CMSS1: variants seen among roughly 807,000 people sequenced by gnomAD.
CMSS1 encodes the protein protein CMSS1.
A neutral mutation model predicts 43.5 loss-of-function variants in CMSS1; 33 were observed. That is an observed-to-expected ratio of 0.76 (90% confidence interval 0.57 to 1.01). The LOEUF (loss-of-function observed/expected upper bound fraction) is 1.01. Among genes scored for constraint, CMSS1 ranks in the 50% least tolerant of loss-of-function variants. The pLI, the probability that CMSS1 is intolerant of heterozygous loss-of-function variation, is 0.00. For synonymous variants in CMSS1, 115 were observed against 117.2 expected (o/e 0.98, Z 0.12); for missense variants, 313 against 326.4 (o/e 0.96, Z 0.32).
At chr3:100,100,354 G>A (rs1302710686) in intron 1 of CMSS1, among the ~76,000 whole-genome samples, 1 of 152,178 alleles carries the variant, frequency 6.6e-6, no homozygotes, top group Non-Finnish European at 1.5e-5. Flanking sequence ...CACCTAGAAT[G>A]TACCATGTAC....
intron 1 of CMSS1, among the ~76,000 whole-genome samples, chr3:99,957,567 T>C (rs952819080): frequency 6.6e-6 from 1 of 152,022 alleles, no homozygotes; most frequent in African/African-American, 2.4e-5. Flanking sequence ...TTTAATACCG[T>C]AAACAGTTGG....
At chr3:100,113,680 C>A (rs1361429364) in intron 1 of CMSS1, among the ~76,000 whole-genome samples, 1 of 152,158 alleles carries the variant, frequency 6.6e-6, no homozygotes, top group Non-Finnish European at 1.5e-5. Flanking sequence ...ATTGATCATT[C>A]ACATCAGCTT....
intron 1 of CMSS1, among the ~76,000 whole-genome samples, chr3:99,888,645 A>G (rs1390975259): frequency 2.6e-5 from 4 of 152,194 alleles, no homozygotes; most frequent in Non-Finnish European, 5.9e-5. Flanking sequence ...CCTATCAACA[A>G]TTTTATATAC....
At chr3:100,044,829 G>C (rs553182681) in intron 1 of CMSS1, among the ~76,000 whole-genome samples, 16 of 152,208 alleles carry the variant, frequency 1.1e-4, no homozygotes, top group Non-Finnish European at 2.1e-4. Flanking sequence ...GCAGTCAATG[G>C]AGTGGTTAAT....
intron 1 of CMSS1, among the ~76,000 whole-genome samples, chr3:99,867,365 TTG>T (rs1187617673): frequency 6.6e-6 from 1 of 152,210 alleles, no homozygotes; most frequent in Non-Finnish European, 1.5e-5. Flanking sequence ...ATATCTTACC[TTG>T]TGATTTGAAT....
At chr3:100,037,413 A>G (rs753511633) in intron 1 of CMSS1, among the ~76,000 whole-genome samples, 10 of 152,178 alleles carry the variant, frequency 6.6e-5, no homozygotes, top group Non-Finnish European at 1.0e-4. Flanking sequence ...GTTTGAAGTT[A>G]TTTTAAAATT....
chr3:100,176,440 T>G, intron 9 of CMSS1, 25 bp downstream of exon 9: 1 of 1,485,596 alleles, frequency 6.7e-7, no homozygotes, highest in East Asian at 2.3e-5. Context: ...GCAGTTGCCT[T>G]TAATCATTTT....
chr3:100,121,966 G>C (rs1178280344), intron 1 of CMSS1, among the ~76,000 whole-genome samples: 1 of 152,180 alleles, frequency 6.6e-6, no homozygotes, highest in Non-Finnish European at 1.5e-5. Flanking sequence ...ACAATTCCAG[G>C]TGTGCTCCTT....
intron 1 of CMSS1, chr3:99,924,300 T>G (rs1707218416): frequency 1.2e-6 from 2 of 1,614,102 alleles, no homozygotes; most frequent in Non-Finnish European, 1.7e-6. Flanking sequence ...TGTTTTCTCT[T>G]TTCTTCCTCC....
chr3:99,893,786 G>T (rs1706166330), intron 1 of CMSS1, among the ~76,000 whole-genome samples: 2 of 152,098 alleles, frequency 1.3e-5, no homozygotes, highest in African/African-American at 4.8e-5. Context: ...ATTTTTGTTT[G>T]CCAGCATCCC....
intron 1 of CMSS1, among the ~76,000 whole-genome samples, chr3:99,944,943 T>C (rs998656894): frequency 3.9e-5 from 6 of 152,202 alleles, no homozygotes; most frequent in South Asian, 2.1e-4. Flanking sequence ...TGAATTAAAT[T>C]CAAGCTTCTT....
chr3:99,976,416 T>C lies in CMSS1; in HGVS notation c.64+158373T>C, dbSNP rs183687493. Among the ~76,000 whole-genome samples the C allele has an allele frequency of 3.9e-5, 6 of 152,336 alleles. No individual in the cohort carries two copies. The East Asian group carries it at 5.8e-4, about 15-fold the overall frequency. ...TTAAACTGTGTCCAAAAGAAATTCA[T>C]AGATATCATGAACTTAGAAACAGTA... On this transcript the variant is annotated intron_variant, in intron 1 of 9. Transcript: ENST00000421999.
chr3:100,014,907 T>C (rs1478152596), intron 1 of CMSS1, among the ~76,000 whole-genome samples: 1 of 143,724 alleles, frequency 7.0e-6, no homozygotes, highest in Non-Finnish European at 1.5e-5. Context: ...TTTTTTTTTT[T>C]TTTTTTTTTT....
intron 1 of CMSS1, among the ~76,000 whole-genome samples, chr3:100,075,811 A>G (rs1390545371): frequency 1.3e-5 from 2 of 152,098 alleles, no homozygotes; most frequent in African/African-American, 4.8e-5. Context: ...ACCTGGGGCA[A>G]TTTATCTCTG....
At chr3:100,144,238 C>T (rs541436055) in intron 1 of CMSS1, among the ~76,000 whole-genome samples, 2 of 152,120 alleles carry the variant, frequency 1.3e-5, no homozygotes, top group Non-Finnish European at 1.5e-5. Context: ...TTTTTGAGTA[C>T]ATCTCTCTAT....
intron 1 of CMSS1, among the ~76,000 whole-genome samples, chr3:100,116,039 T>C (rs2066565637): frequency 6.6e-6 from 1 of 152,184 alleles, no homozygotes; most frequent in Admixed American, 6.5e-5. Flanking sequence ...GAGATTGAAA[T>C]TGTGTATTTT....
chr3:100,137,904 C>A (rs904600377), intron 1 of CMSS1, among the ~76,000 whole-genome samples: 1 of 152,010 alleles, frequency 6.6e-6, no homozygotes, highest in East Asian at 1.9e-4. Flanking sequence ...TATGACCATA[C>A]GTAGACATCT....
chr3:99,889,444 A>C (rs1000053667), intron 1 of CMSS1, among the ~76,000 whole-genome samples: 1 of 151,990 alleles, frequency 6.6e-6, no homozygotes, highest in Non-Finnish European at 1.5e-5. Flanking sequence ...TTTTACTTTC[A>C]GCTTTACCAT....
At chr3:99,956,513 C>T (rs1033850006) in intron 1 of CMSS1, among the ~76,000 whole-genome samples, 6 of 152,106 alleles carry the variant, frequency 3.9e-5, no homozygotes, top group Non-Finnish European at 5.9e-5. Context: ...CTACCACACT[C>T]GGCTAATGAT....
Sources: gnomAD v4.1 joint callset for allele counts (sites outside exome capture counted in the v4.1 genomes callset) on GRCh38, gnomAD v4.1.1 for gene constraint, MANE v1.5 for transcripts, NCBI Gene and HGNC (gene_info 2026-07-23, HGNC 2026-07-21) for gene names.